The following IL1RAPL1 variants were observed in gnomAD, a reference collection of about 807,000 sequenced individuals.
IL1RAPL1 encodes the protein interleukin 1 receptor accessory protein like 1.
IL1RAPL1 carries 3 observed loss-of-function variants against 48.4 expected under a neutral mutation model. The ratio of observed to expected loss-of-function variants is 0.06; its 90% confidence interval spans 0.03 to 0.16. IL1RAPL1 has a LOEUF of 0.16. Ranked by LOEUF, IL1RAPL1 falls within the 10% of genes least tolerant of loss-of-function variation. IL1RAPL1 has a pLI of 1.00. For missense variants in IL1RAPL1, 349 were observed against 530.6 expected, an observed-to-expected ratio of 0.66 and a Z score of 3.36; for synonymous variants, 185 against 187.7, an observed-to-expected ratio of 0.99 and a Z score of 0.12.
At chrX:29,937,248 A>G (rs779666583) in intron 8 of IL1RAPL1, among the ~76,000 whole-genome samples, 136 of 112,408 alleles carry the variant, frequency 1.2e-3, no homozygotes, top group Middle Eastern at 9.2e-3. Context: ...CTGTCCTCAG[A>G]TGTTGAATTG....
chrX:29,534,356 A>C (rs1229745105), intron 5 of IL1RAPL1, among the ~76,000 whole-genome samples: 5 of 111,935 alleles, frequency 4.5e-5, no homozygotes, highest in Non-Finnish European at 9.4e-5. Context: ...TTAGAACTCT[A>C]TGCCTAGAGT....
intron 6 of IL1RAPL1, among the ~76,000 whole-genome samples, chrX:29,682,261 T>C (rs7880854): frequency 0.12 from 13,646 of 110,862 alleles, 1,639 homozygotes; most frequent in African/African-American, 0.37. Context: ...GGCCACTTTC[T>C]TCACAGTCTG....
intron 2 of IL1RAPL1, among the ~76,000 whole-genome samples, chrX:28,992,734 A>C (rs1295590423): frequency 9.0e-6 from 1 of 111,663 alleles, no homozygotes; most frequent in African/African-American, 3.3e-5. Context: ...AAGTTTTAGC[A>C]TGAAAATATA....
At chrX:28,963,783 A>G (rs768208627) in intron 2 of IL1RAPL1, among the ~76,000 whole-genome samples, 29 of 110,950 alleles carry the variant, frequency 2.6e-4, no homozygotes, top group African/African-American at 4.3e-4. Context: ...GCAAACTTCC[A>G]TCATCTTCTC....
intron 2 of IL1RAPL1, among the ~76,000 whole-genome samples, chrX:29,224,032 A>G (rs1215290527): frequency 3.6e-5 from 4 of 111,617 alleles, no homozygotes; most frequent in Non-Finnish European, 5.6e-5. Flanking sequence ...TACCTTGCAT[A>G]TTATTGTTCA....
intron 6 of IL1RAPL1, among the ~76,000 whole-genome samples, chrX:29,779,785 G>A (rs979986514): frequency 9.0e-6 from 1 of 110,943 alleles, no homozygotes. Flanking sequence ...TAATGCATTC[G>A]CTTCTCATGA....
At chrX:29,762,442 A>G (rs1928774591) in intron 6 of IL1RAPL1, among the ~76,000 whole-genome samples, 1 of 112,189 alleles carries the variant, frequency 8.9e-6, no homozygotes, top group Admixed American at 9.5e-5. Flanking sequence ...TGCTGAGATG[A>G]TTTATCTGCA....
chrX:28,860,524 C>G (rs1466927138), intron 2 of IL1RAPL1, among the ~76,000 whole-genome samples: 2 of 105,088 alleles, frequency 1.9e-5, no homozygotes, highest in African/African-American at 7.0e-5. Flanking sequence ...GTGGTGCAAT[C>G]TGGGCTCACT....
At chrX:28,990,849 T>C (rs1925587190) in intron 2 of IL1RAPL1, among the ~76,000 whole-genome samples, 1 of 111,756 alleles carries the variant, frequency 8.9e-6, no homozygotes, top group Admixed American at 9.6e-5. Context: ...GGCCTTTGAA[T>C]AGGGATTTTT....
At chrX:28,820,527 A>G (rs1936926003) in intron 2 of IL1RAPL1, among the ~76,000 whole-genome samples, 1 of 111,822 alleles carries the variant, frequency 8.9e-6, no homozygotes, top group African/African-American at 3.2e-5. Context: ...AATAGGAACA[A>G]CACATTATAT....
intron 5 of IL1RAPL1, among the ~76,000 whole-genome samples, chrX:29,615,628 C>T (rs1381069866): frequency 9.0e-6 from 1 of 110,521 alleles, no homozygotes; most frequent in Non-Finnish European, 1.9e-5. Context: ...ACGGAGGTAA[C>T]TCAGGGAGGA....
chrX:28,701,874 T>C (rs1223642036), intron 1 of IL1RAPL1, among the ~76,000 whole-genome samples: 1 of 111,646 alleles, frequency 9.0e-6, no homozygotes, highest in African/African-American at 3.2e-5. Context: ...GAAAATCTAA[T>C]GATTTACTAA....
rs1346110547 is a variant in IL1RAPL1 at position 28,737,177 on chromosome X, C to CCTTTCTTT, written c.-24-52141_-24-52134dup. On this transcript the variant is annotated intron_variant, in intron 1 of 10. Coordinates refer to ENST00000378993, the MANE Select transcript of IL1RAPL1 (RefSeq NM_014271.4). ...TCCTTCCTTCCTTCCTTCCTTCCTTCCTTTCTTTCCTTTCTCTTTCTTTCT... is the reference window on the plus strand; with the variant it reads ...TCCTTCCTTCCTTCCTTCCTTCCTTCCTTTCTTTCTTTCTTTCCTTTCTCTTTCTTTCT... Among the ~76,000 whole-genome samples, 65 of 72,463 alleles carry CCTTTCTTT rather than the reference C, an allele frequency of 9.0e-4. 2 individuals carry two copies. The highest frequency in any genetic ancestry group is 3.6e-3 in the African/African-American group (62 of 17,363). The allele number at this position is 72,463 out of a possible 115,157, so 62.9% of individuals were successfully genotyped here. A position where few individuals can be genotyped will look rare whatever the true frequency, so the allele number is the denominator to read the frequency against.
intron 3 of IL1RAPL1, among the ~76,000 whole-genome samples, chrX:29,343,757 A>G: frequency 9.0e-6 from 1 of 111,246 alleles, no homozygotes; most frequent in Non-Finnish European, 1.9e-5. Flanking sequence ...GAAATCTCAT[A>G]TATGTGTCTT....
intron 5 of IL1RAPL1, among the ~76,000 whole-genome samples, chrX:29,640,103 C>A (rs1191443985): frequency 8.9e-6 from 1 of 112,059 alleles, no homozygotes; most frequent in East Asian, 2.8e-4. Context: ...ATCATTTTTA[C>A]TCATGTGGAA....
chrX:29,610,461 A>G (rs751356594), intron 5 of IL1RAPL1, among the ~76,000 whole-genome samples: 9 of 112,224 alleles, frequency 8.0e-5, no homozygotes, highest in Admixed American at 2.8e-4. Flanking sequence ...TGTCTTGAAT[A>G]CACTATTTTA....
intron 2 of IL1RAPL1, among the ~76,000 whole-genome samples, chrX:29,057,463 C>T (rs765242407): frequency 1.0e-4 from 11 of 107,216 alleles, no homozygotes; most frequent in Non-Finnish European, 1.9e-4. Context: ...GAGTTTCGCT[C>T]GTCACCCAGG....
chrX:28,711,946 T>C (rs188257105), intron 1 of IL1RAPL1, among the ~76,000 whole-genome samples: 3 of 110,684 alleles, frequency 2.7e-5, no homozygotes, highest in East Asian at 2.9e-4. Flanking sequence ...TCAATGGATA[T>C]TGATGTTCTT....
At position 28,820,075 on chromosome X, in the gene IL1RAPL1, C is replaced by A. The variant is rs1309661255; in HGVS notation, c.82+30650C>A. Among the ~76,000 whole-genome samples the A allele has an allele frequency of 3.1e-5, 3 of 95,501 alleles. No homozygotes were observed. In the East Asian group the frequency reaches 1.0e-3, roughly 33 times the overall value. The allele number at this position is 95,501 out of a possible 115,157, so 82.9% of individuals were successfully genotyped here. ...GGAATTAAGATACTTTATCAGAGAA[C>A]AGTCTATGTTTACTCTATAAAATAC... On this transcript the variant is annotated intron_variant, in intron 2 of 10. Coordinates refer to ENST00000378993, the MANE Select transcript of IL1RAPL1 (RefSeq NM_014271.4).
Sources: allele counts gnomAD v4.1 joint callset (sites outside exome capture counted in the v4.1 genomes callset), GRCh38; gene constraint gnomAD v4.1.1; transcripts MANE v1.5; gene names NCBI Gene and HGNC (gene_info 2026-07-23, HGNC 2026-07-21).